CAMTA1: variants seen among roughly 807,000 people sequenced by gnomAD.
The protein encoded by CAMTA1 is calmodulin-binding transcription activator 1.
In CAMTA1, 27 loss-of-function variants were observed where a neutral mutation model predicts 170.9. The ratio of observed to expected loss-of-function variants is 0.16; its 90% confidence interval spans 0.12 to 0.22. CAMTA1 has a LOEUF of 0.22. Among genes scored for constraint, CAMTA1 ranks in the 10% least tolerant of loss-of-function variants. The pLI, the probability that CAMTA1 is intolerant of heterozygous loss-of-function variation, is 1.00. For missense variants in CAMTA1, 1,619 were observed against 2,217.2 expected (o/e 0.73, Z 5.42); for synonymous variants, 833 against 891.5 (o/e 0.93, Z 1.17).
chr1:7,089,709 G>T, intron 3 of CAMTA1, among the ~76,000 whole-genome samples: 1 of 152,108 alleles, frequency 6.6e-6, no homozygotes, highest in East Asian at 1.9e-4. Context: ...CTACAGTGGG[G>T]GATGTTATCT....
At chr1:7,182,085 G>T (rs1345327237) in intron 4 of CAMTA1, among the ~76,000 whole-genome samples, 1 of 152,016 alleles carries the variant, frequency 6.6e-6, no homozygotes, top group Non-Finnish European at 1.5e-5. Context: ...TATGACAAAG[G>T]TGGTATCTCA....
intron 11 of CAMTA1, among the ~76,000 whole-genome samples, chr1:7,691,480 G>T (rs1216042625): frequency 6.6e-6 from 1 of 152,218 alleles, no homozygotes; most frequent in African/African-American, 2.4e-5. Context: ...GGCTCAGAGA[G>T]GGTGAGGGGA....
intron 5 of CAMTA1, among the ~76,000 whole-genome samples, chr1:7,425,862 A>G (rs1195199565): frequency 6.6e-6 from 1 of 152,198 alleles, no homozygotes; most frequent in African/African-American, 2.4e-5. Flanking sequence ...AGAGGGGCCC[A>G]GTTGTGACTC....
At chr1:7,117,969 G>C (rs958827517) in intron 4 of CAMTA1, among the ~76,000 whole-genome samples, 6 of 152,062 alleles carry the variant, frequency 3.9e-5, no homozygotes, top group African/African-American at 1.4e-4. Flanking sequence ...GCCCTTTCGG[G>C]ACCCACTAGG....
At chr1:7,278,767 C>T (rs867587926) in intron 5 of CAMTA1, among the ~76,000 whole-genome samples, 2 of 152,134 alleles carry the variant, frequency 1.3e-5, no homozygotes, top group South Asian at 2.1e-4. Flanking sequence ...TGGAGAGCTG[C>T]GTTGACAAGG....
At chr1:7,405,314 G>T (rs1414501211) in intron 5 of CAMTA1, among the ~76,000 whole-genome samples, 1 of 151,884 alleles carries the variant, frequency 6.6e-6, no homozygotes, top group Non-Finnish European at 1.5e-5. Flanking sequence ...CTCTCTCTCT[G>T]ATTTCACTAT....
chr1:7,090,813 G>T (rs887969551), intron 3 of CAMTA1, among the ~76,000 whole-genome samples: 1 of 152,094 alleles, frequency 6.6e-6, no homozygotes, highest in African/African-American at 2.4e-5. Flanking sequence ...TGGCTTTATC[G>T]TGTCTTTTCT....
chr1:7,314,652 G>A (rs1034494588), intron 5 of CAMTA1, among the ~76,000 whole-genome samples: 1 of 152,220 alleles, frequency 6.6e-6, no homozygotes, highest in African/African-American at 2.4e-5. Context: ...AACAAGAGCA[G>A]AGCTTTTAAA....
chr1:6,858,487 G>GT (rs1663319424), intron 3 of CAMTA1, among the ~76,000 whole-genome samples: 1 of 30,200 alleles, frequency 3.3e-5, no homozygotes, highest in Non-Finnish European at 7.5e-5. Flanking sequence ...TGTGTGTGTT[G>GT]GGGGGGGGGT....
intron 19 of CAMTA1, among the ~76,000 whole-genome samples, chr1:7,749,357 C>T (rs1000432685): frequency 6.6e-6 from 1 of 152,006 alleles, no homozygotes; most frequent in African/African-American, 2.4e-5. Context: ...GTTCATGATC[C>T]CAGAAAAGGA....
intron 3 of CAMTA1, among the ~76,000 whole-genome samples, chr1:6,856,103 G>A (rs568843000): frequency 1.2e-3 from 185 of 152,248 alleles, no homozygotes; most frequent in African/African-American, 4.3e-3. Context: ...TGGCTGCTGG[G>A]TATGGCCTGC....
intron 3 of CAMTA1, among the ~76,000 whole-genome samples, chr1:6,870,345 A>G (rs1668043648): frequency 6.6e-6 from 1 of 152,164 alleles, no homozygotes; most frequent in Non-Finnish European, 1.5e-5. Context: ...GTAGCTATGC[A>G]ACTTAAAAAA....
At chr1:6,953,676 G>T (rs1017603639) in intron 3 of CAMTA1, among the ~76,000 whole-genome samples, 13 of 152,238 alleles carry the variant, frequency 8.5e-5, no homozygotes, top group East Asian at 7.7e-4. Context: ...TCTAATATAA[G>T]ATGGAAAAAC....
chr1:7,318,321 T>C (rs1677847211), intron 5 of CAMTA1, among the ~76,000 whole-genome samples: 1 of 152,230 alleles, frequency 6.6e-6, no homozygotes, highest in African/African-American at 2.4e-5. Flanking sequence ...ATGGTGGACT[T>C]GGTCAGTGAC....
intron 3 of CAMTA1, among the ~76,000 whole-genome samples, chr1:6,885,146 G>A (rs564281040): frequency 2.0e-5 from 3 of 152,292 alleles, no homozygotes; most frequent in Admixed American, 2.0e-4. Context: ...TTTGCTTACA[G>A]AGTCACCCCT....
intron 11 of CAMTA1, among the ~76,000 whole-genome samples, chr1:7,716,700 A>T (rs915086947): frequency 2.0e-5 from 3 of 152,202 alleles, no homozygotes; most frequent in African/African-American, 7.2e-5. Context: ...CCTTGCCAAT[A>T]GCAGTCCTAA....
chr1:7,577,568 T>C (rs1322851773), intron 6 of CAMTA1, among the ~76,000 whole-genome samples: 2 of 152,062 alleles, frequency 1.3e-5, no homozygotes, highest in Non-Finnish European at 2.9e-5. Context: ...AACCCTTTTT[T>C]TTTTTAAGCA....
intron 5 of CAMTA1, among the ~76,000 whole-genome samples, chr1:7,322,657 A>G (rs1678610508): frequency 6.6e-6 from 1 of 152,014 alleles, no homozygotes; most frequent in Non-Finnish European, 1.5e-5. Context: ...TAATTTGTCC[A>G]TTTCTCCTAA....
chr1:7,495,522 G>A (rs1157716921), intron 6 of CAMTA1, among the ~76,000 whole-genome samples: 1 of 152,206 alleles, frequency 6.6e-6, no homozygotes, highest in Non-Finnish European at 1.5e-5. Context: ...GGCATGGCAG[G>A]GCCCCACATC....
Sources: allele counts gnomAD v4.1 joint callset (sites outside exome capture counted in the v4.1 genomes callset), GRCh38; gene constraint gnomAD v4.1.1; transcripts MANE v1.5; gene names NCBI Gene and HGNC (gene_info 2026-07-23, HGNC 2026-07-21).